The following USP6 variants were observed in gnomAD, a reference collection of about 807,000 sequenced individuals.
USP6 encodes ubiquitin specific peptidase 6.
In USP6, 128 loss-of-function variants were observed where a neutral mutation model predicts 175.7. The observed-to-expected ratio is 0.73, with a 90% CI of 0.63 to 0.84. The LOEUF (loss-of-function observed/expected upper bound fraction) is 0.84. Among genes scored for constraint, USP6 ranks in the 40% least tolerant of loss-of-function variants. The pLI is 0.00. For missense variants in USP6, 1,498 were observed against 1,760.3 expected, an observed-to-expected ratio of 0.85 and a Z score of 2.67; for synonymous variants, 562 against 630.6, an observed-to-expected ratio of 0.89 and a Z score of 1.63.
At chr17:5,157,145 G>C (rs1261116507) in intron 31 of USP6, among the ~76,000 whole-genome samples, 1 of 152,168 alleles carries the variant, frequency 6.6e-6, no homozygotes, top group Non-Finnish European at 1.5e-5. Flanking sequence ...GAGTGCAGTG[G>C]TGTGATCTTG....
intron 4 of USP6, 140 bp downstream of exon 4, chr17:5,121,890 A>G (rs1035481447): frequency 3.9e-5 from 6 of 152,832 alleles, no homozygotes; most frequent in Admixed American, 1.3e-4. Context: ...GAAACTGACA[A>G]TGCAGGCTGG....
chr17:5,163,127 C>T, intron 33 of USP6, 123 bp downstream of exon 33: 2 of 1,370,460 alleles, frequency 1.5e-6, no homozygotes, highest in Non-Finnish European at 1.9e-6. Context: ...TTGGCATCCT[C>T]TATGGCACCT....
intron 17 of USP6, 49 bp downstream of exon 17, chr17:5,135,977 G>A: frequency 6.3e-7 from 1 of 1,596,850 alleles, no homozygotes; most frequent in Non-Finnish European, 8.5e-7. Context: ...ACCCGGGAAA[G>A]CCACTGTGGC....
rs1203784050 is a variant in USP6 at position 5,173,192 on chromosome 17, C to T, written c.*214C>T. ...TCTGATAGAGAACTTTCAGGCAGAT[C>T]CCACCATTAGCCTGTAAACAAAAGG... On this transcript the variant is annotated 3_prime_UTR_variant, in exon 38 of 38. Transcript: ENST00000574788. The T allele has an allele frequency of 1.7e-6, 1 of 603,534 alleles. No homozygotes were observed. The highest frequency in any genetic ancestry group is 2.7e-6 in the Non-Finnish European group (1 of 366,334). The allele number at this position is 603,534 out of a possible 1,614,324, so 37.4% of individuals were successfully genotyped here. A position where few individuals can be genotyped will look rare whatever the true frequency, so the allele number is the denominator to read the frequency against.
rs1284107351 is a variant in USP6 at position 5,130,520 on chromosome 17, G to A, written c.72+81G>A. On this transcript the variant is annotated intron_variant, in intron 10 of 37. Transcript: ENST00000574788. ...GGGTCCTGGGTTCCCTAGGAGCACAGGGCAGGGACGGGTGGCCAATACCCC... is the reference window on the plus strand; with the variant it reads ...GGGTCCTGGGTTCCCTAGGAGCACAAGGCAGGGACGGGTGGCCAATACCCC... 3.7e-6 allele frequency: 6 copies of A among 1,610,876 alleles called. No individual in the cohort carries two copies. In the Admixed American group the frequency reaches 5.0e-5, roughly 13 times the overall value.
intron 17 of USP6, among the ~76,000 whole-genome samples, 191 bp downstream of exon 17, chr17:5,136,119 ATCCCCATCAGCAGAG>A: frequency 6.6e-6 from 1 of 152,144 alleles, no homozygotes. Context: ...GATGCCTTTC[ATCCCCATCAGCAGAG>A]GGCATCTCAT....
intron 2 of USP6, among the ~76,000 whole-genome samples, chr17:5,118,821 A>G (rs1336676833): frequency 6.6e-6 from 1 of 152,232 alleles, no homozygotes; most frequent in Non-Finnish European, 1.5e-5. Flanking sequence ...TTTCTTCCCG[A>G]AAGTCTGGCC....
At chr17:5,152,381 C>T (rs2073793716) in intron 30 of USP6, among the ~76,000 whole-genome samples, 1 of 152,188 alleles carries the variant, frequency 6.6e-6, no homozygotes, top group South Asian at 2.1e-4. Flanking sequence ...AACAGGAACT[C>T]TCATACCATG....
chr17:5,121,987 T>C (rs373220946), intron 4 of USP6, among the ~76,000 whole-genome samples: 1 of 151,706 alleles, frequency 6.6e-6, no homozygotes, highest in African/African-American at 2.4e-5. Flanking sequence ...GATTTGGAGC[T>C]GAAGAGGGGA....
chr17:5,161,327 C>T (rs1039490048), intron 31 of USP6, among the ~76,000 whole-genome samples: 3 of 152,166 alleles, frequency 2.0e-5, no homozygotes, highest in Admixed American at 2.0e-4. Context: ...TTCTGTAAGC[C>T]CAGATAGAGG....
At chr17:5,147,706 T>G (rs1213198798) in intron 29 of USP6, among the ~76,000 whole-genome samples, 1 of 152,158 alleles carries the variant, frequency 6.6e-6, no homozygotes, top group Non-Finnish European at 1.5e-5. Flanking sequence ...GGTGAGTTGG[T>G]GGATGATCTA....
intron 30 of USP6, among the ~76,000 whole-genome samples, chr17:5,153,362 C>A (rs2073814450): frequency 6.6e-6 from 1 of 152,180 alleles, no homozygotes; most frequent in Non-Finnish European, 1.5e-5. Flanking sequence ...TCTCAACTCA[C>A]CGCAACCTCC....
chr17:5,159,473 T>C (rs2073961630), intron 31 of USP6, among the ~76,000 whole-genome samples: 1 of 152,100 alleles, frequency 6.6e-6, no homozygotes, highest in African/African-American at 2.4e-5. Flanking sequence ...CACAGTGAAC[T>C]AGGTGCTGCA....
chr17:5,139,189 G>A (rs762981639), intron 21 of USP6, 66 bp from the exon 22 acceptor site: 48 of 1,598,178 alleles, frequency 3.0e-5, no homozygotes, highest in Non-Finnish European at 4.0e-5. Flanking sequence ...CAGGCAGGTG[G>A]GGCCCAGCCC....
chr17:5,163,532 ACCT>A (rs1029011020), intron 33 of USP6, among the ~76,000 whole-genome samples: 6 of 152,142 alleles, frequency 3.9e-5, no homozygotes, highest in Non-Finnish European at 8.8e-5. Context: ...TGACCGAAAC[ACCT>A]CCTACTAGGC....
chr17:5,147,247 A>G, intron 29 of USP6, 53 bp downstream of exon 29: 1 of 1,510,584 alleles, frequency 6.6e-7, no homozygotes, highest in South Asian at 1.2e-5. Flanking sequence ...ATATTTGTCT[A>G]AGAGTTGTCA....
chr17:5,172,801 T>G lies in USP6; in HGVS notation c.4048-4T>G. 6.2e-7 allele frequency: 1 copy of G among 1,612,992 alleles called. No individual in the cohort carries two copies. The highest frequency in any genetic ancestry group is 8.5e-7 in the Non-Finnish European group (1 of 1,179,806). On this transcript the variant is annotated splice_region_variant and splice_polypyrimidine_tract_variant and intron_variant, in intron 37 of 37. Transcript: ENST00000574788. ...TTTGTTAAAGGTTTTTCTTGCCCTT[T>G]CAGGAACTTCACCCTGATGAAATTG...
At chr17:5,167,166 T>C (rs2074112681) in intron 33 of USP6, among the ~76,000 whole-genome samples, 1 of 152,244 alleles carries the variant, frequency 6.6e-6, no homozygotes. Flanking sequence ...TGAGCTTTTC[T>C]GTGCCCTCAT....
chr17:5,139,226 G>A lies in USP6; in HGVS notation c.1079-29G>A, dbSNP rs574690257. 3 of 1,598,956 alleles carry A rather than the reference G, an allele frequency of 1.9e-6. No homozygotes were observed. The South Asian group carries it at 3.3e-5, about 18-fold the overall frequency. On this transcript the variant is annotated intron_variant, in intron 21 of 37. Coordinates refer to ENST00000574788, the MANE Select transcript of USP6 (RefSeq NM_001304284.2). ...GAAAGGCCTGCATGGGCTCACTGGAGATGCTGACCACGTCTGTTTTCCTTT... is the reference window on the plus strand; with the variant it reads ...GAAAGGCCTGCATGGGCTCACTGGAAATGCTGACCACGTCTGTTTTCCTTT...
Sources: allele counts gnomAD v4.1 joint callset (sites outside exome capture counted in the v4.1 genomes callset), GRCh38; gene constraint gnomAD v4.1.1; transcripts MANE v1.5; gene names NCBI Gene and HGNC (gene_info 2026-07-23, HGNC 2026-07-21).